CINP: variants seen among roughly 807,000 people sequenced by gnomAD.
CINP encodes cyclin-dependent kinase 2-interacting protein.
A neutral mutation model predicts 20.5 loss-of-function variants in CINP; 11 were observed. The ratio of observed to expected loss-of-function variants is 0.54; its 90% CI spans 0.34 to 0.89. The LOEUF is 0.89. Among genes scored for constraint, CINP ranks in the 40% least tolerant of loss-of-function variants. The probability of loss-of-function intolerance (pLI) is 0.02; values close to 1 mark genes in which losing one functional copy is unlikely to be tolerated. For missense variants in CINP, 213 were observed against 251.0 expected (o/e 0.85, Z 1.02); for synonymous variants, 108 against 102.1 (o/e 1.06, Z -0.35).
chr14:102,352,009 C>T (rs1005802947), intron 3 of CINP, among the ~76,000 whole-genome samples: 2 of 152,138 alleles, frequency 1.3e-5, no homozygotes, highest in African/African-American at 4.8e-5. Flanking sequence ...CTCAGCCTCC[C>T]AAGTAGCTGG....
chr14:102,352,528 G>T (rs1259625854), intron 3 of CINP: 1 of 456,036 alleles, frequency 2.2e-6, no homozygotes, highest in African/African-American at 2.0e-5. Flanking sequence ...AGTTATGAAA[G>T]ACACAGACCA....
intron 2 of CINP, among the ~76,000 whole-genome samples, chr14:102,358,536 C>T (rs1887048304): frequency 6.6e-6 from 1 of 152,024 alleles, no homozygotes; most frequent in Non-Finnish European, 1.5e-5. Flanking sequence ...CAAAAATTAG[C>T]CGGGCATGGT....
chr14:102,355,650 G>A (rs988391003), intron 3 of CINP, 118 bp downstream of exon 3: 36 of 1,139,472 alleles, frequency 3.2e-5, no homozygotes, highest in Non-Finnish European at 4.6e-5. Context: ...GGCAGAGGAA[G>A]AGAACATCAG....
intron 3 of CINP, among the ~76,000 whole-genome samples, chr14:102,353,034 A>C (rs9671865): frequency 6.6e-6 from 1 of 151,338 alleles, no homozygotes; most frequent in African/African-American, 2.4e-5. Flanking sequence ...CTACTTGGGA[A>C]GCTGAGACAG....
In CINP at chr14:102,357,440, C is replaced by G. The variant is rs568711348; in HGVS notation, c.177-1543G>C. Among the ~76,000 whole-genome samples, 4 of 144,118 alleles carry G rather than the reference C, an allele frequency of 2.8e-5. No homozygotes were observed. In the East Asian group the frequency reaches 8.2e-4, roughly 29 times the overall value. The allele number at this position is 144,118 out of a possible 152,430, so 94.5% of individuals were successfully genotyped here. A position where few individuals can be genotyped will look rare whatever the true frequency, so the allele number is the denominator to read the frequency against. On this transcript the variant is annotated intron_variant, in intron 2 of 4. Transcript: ENST00000216756. ...TGAAAACCAGGCCTCTTGTGCCAAA[C>G]AGTTGGCCAAGTTGTGAAGGCAAAG... is the stretch of plus-strand genomic sequence containing the variant.
At position 102,348,409 on chromosome 14, in the gene CINP, G is replaced by A. The variant is rs1271047521; in HGVS notation, c.*148C>T. The A allele has an allele frequency of 4.2e-6, 3 of 706,114 alleles. No homozygotes were observed. The highest frequency in any genetic ancestry group is 6.9e-6 in the Non-Finnish European group (3 of 432,926). The allele number at this position is 706,114 out of a possible 1,614,324, so 43.7% of individuals were successfully genotyped here. On this transcript the variant is annotated 3_prime_UTR_variant, in exon 5 of 5. Coordinates refer to ENST00000216756, the MANE Select transcript of CINP (RefSeq NM_032630.3). The stretch of plus-strand genomic sequence containing the variant: ...GGTTGTGGGCATGAGCACGCCTGGA[G>A]AGGCCATGGGGCTGGTGACAAGCTC...
At chr14:102,362,562 G>C (rs1597753245) in intron 1 of CINP, 1 of 703,672 alleles carries the variant, frequency 1.4e-6, no homozygotes, top group East Asian at 2.7e-5. Flanking sequence ...AATTTATAGT[G>C]ACAATAATTA....
At chr14:102,355,957 T>C (rs1886991030) in intron 2 of CINP, 60 bp from the exon 3 acceptor site, 1 of 1,562,356 alleles carries the variant, frequency 6.4e-7, no homozygotes, top group African/African-American at 1.4e-5. Context: ...CTTATTTCCT[T>C]ATAATAAATT....
Position 102,357,248 on chromosome 14 carries a change from G to A in CINP, c.177-1351C>T, listed in dbSNP as rs184959715. On this transcript the variant is annotated intron_variant, in intron 2 of 4. Coordinates refer to ENST00000216756, the MANE Select transcript of CINP (RefSeq NM_032630.3). The stretch of plus-strand genomic sequence containing the variant: ...ACAAAAGAAATTAGCTGGGCGTGGC[G>A]GTGTGCACCTGTAGTCCCAGCTACT... 5.3e-3 allele frequency among the ~76,000 whole-genome samples: 799 copies of A among 152,128 alleles called. 3 individuals are homozygous for A. Among genetic ancestry groups the A allele is most frequent in the South Asian group, 0.013 (61 of 4,820 alleles).
In CINP at chr14:102,359,428, AT is replaced by A; in HGVS notation, c.166del (p.Ile56SerfsTer4). 6.2e-7 allele frequency: 1 copy of A among 1,600,362 alleles called. No individual in the cohort carries two copies. The highest frequency in any genetic ancestry group is 1.7e-5 in the Admixed American group (1 of 58,232). On this transcript the variant is annotated frameshift_variant, in exon 2 of 5. Transcript: ENST00000216756. LOFTEE classifies it high-confidence loss of function. ...ACCAATATGTACTTACAATAAACTG[AT>A]TTTCAAGTTGGCAATATTATTTGCA... ...TTANNIANLK[I>X]SLLNKDKIEL...
intron 3 of CINP, among the ~76,000 whole-genome samples, chr14:102,355,146 T>G (rs1240198725): frequency 6.6e-6 from 1 of 152,100 alleles, no homozygotes; most frequent in East Asian, 1.9e-4. Context: ...TACGCATATA[T>G]TATCTATGGC....
chr14:102,362,161 C>G (rs1165641207), intron 1 of CINP, among the ~76,000 whole-genome samples: 1 of 152,186 alleles, frequency 6.6e-6, no homozygotes, highest in Non-Finnish European at 1.5e-5. Context: ...AGGATCACAT[C>G]TGATTCATGG....
At chr14:102,361,693 GAC>G (rs1254383215) in intron 1 of CINP, among the ~76,000 whole-genome samples, 2 of 150,496 alleles carry the variant, frequency 1.3e-5, no homozygotes, top group Non-Finnish European at 3.0e-5. Context: ...ATGAAGTTTG[GAC>G]TTCTAAGTAT....
intron 1 of CINP, 114 bp from the exon 2 acceptor site, chr14:102,359,701 G>A (rs1238198416): frequency 7.6e-6 from 5 of 658,488 alleles, no homozygotes; most frequent in Non-Finnish European, 1.2e-5. Context: ...TGTATCAACT[G>A]GACAAATAAA....
chr14:102,355,518 GAAAA>G, intron 3 of CINP: 2 of 305,194 alleles, frequency 6.6e-6, no homozygotes, highest in Admixed American at 4.8e-5. Context: ...CCATATCATG[GAAAA>G]AAAAAAAAAA....
intron 2 of CINP, among the ~76,000 whole-genome samples, chr14:102,358,392 G>A (rs1887045447): frequency 6.6e-6 from 1 of 152,210 alleles, no homozygotes; most frequent in Non-Finnish European, 1.5e-5. Context: ...GAAAGACAGT[G>A]AGACATGGCT....
At chr14:102,362,653 G>A (rs1165456956) in intron 1 of CINP, 192 bp downstream of exon 1, 5 of 744,584 alleles carry the variant, frequency 6.7e-6, no homozygotes, top group Non-Finnish European at 1.2e-5. Context: ...AAAAAACGGA[G>A]GCTCGGCAAA....
chr14:102,349,891 G>A, intron 4 of CINP, 28 bp downstream of exon 4: 1 of 1,613,146 alleles, frequency 6.2e-7, no homozygotes, highest in Non-Finnish European at 8.5e-7. Flanking sequence ...TTACCCTCCT[G>A]AAAATCAACT....
chr14:102,355,987 C>CGTAACTATGTGGAT, intron 2 of CINP, 90 bp from the exon 3 acceptor site: 1 of 1,353,068 alleles, frequency 7.4e-7, no homozygotes, highest in Non-Finnish European at 1.0e-6. Flanking sequence ...TCTATATCCA[C>CGTAACTATGTGGAT]ATAGTTACGT....
Sources: allele counts gnomAD v4.1 joint callset (sites outside exome capture counted in the v4.1 genomes callset), GRCh38; gene constraint gnomAD v4.1.1; transcripts MANE v1.5; gene names NCBI Gene and HGNC (gene_info 2026-07-23, HGNC 2026-07-21).